TRPC7: variants seen among roughly 807,000 people sequenced by gnomAD.
The protein encoded by TRPC7 is transient receptor potential cation channel subfamily C member 7.
In TRPC7, 42 loss-of-function variants were observed where a neutral mutation model predicts 90.1. The ratio of observed to expected loss-of-function variants is 0.47; its 90% confidence interval spans 0.36 to 0.60. The LOEUF is 0.60. Ranked by LOEUF, TRPC7 falls within the 20% of genes least tolerant of loss-of-function variation. TRPC7 has a pLI of 0.00. For missense variants in TRPC7, 955 were observed against 1,112.3 expected (o/e 0.86, Z 2.01); for synonymous variants, 451 against 436.3 (o/e 1.03, Z -0.42).
At chr5:136,355,592 A>G (rs1023756097) in intron 2 of TRPC7, among the ~76,000 whole-genome samples, 1 of 139,398 alleles carries the variant, frequency 7.2e-6, no homozygotes, top group Admixed American at 7.8e-5. Context: ...AGGTCAGGAG[A>G]TCAAGACCAT....
chr5:136,250,997 G>T (rs1756499914), intron 6 of TRPC7, among the ~76,000 whole-genome samples: 1 of 152,154 alleles, frequency 6.6e-6, no homozygotes, highest in East Asian at 1.9e-4. Flanking sequence ...GACAAAAGAA[G>T]GACCCTTTTT....
In TRPC7 at chr5:136,357,022, C is replaced by G. The variant is rs1332892378; in HGVS notation, c.366G>C (p.Val122=). 5 of 1,613,038 alleles carry G rather than the reference C, an allele frequency of 3.1e-6. No homozygotes were observed. In the South Asian group the frequency reaches 4.4e-5, roughly 14 times the overall value. Residue 122 remains valine, a synonymous_variant, in exon 2 of 12, where the codon GTG becomes GTC. Coordinates refer to ENST00000513104, the MANE Select transcript of TRPC7 (RefSeq NM_020389.3). ...AGGCCGGGTGGTTGAGGATGGCCTC[C>G]ACGATGCGCACATAGCCCTTGCTGA... ...LAISKGYVRI[V]EAILNHPAFA...
chr5:136,239,826 G>A (rs1026878582), intron 7 of TRPC7, among the ~76,000 whole-genome samples: 1 of 152,168 alleles, frequency 6.6e-6, no homozygotes, highest in Admixed American at 6.5e-5. Flanking sequence ...TTGTAAACAT[G>A]CCCTCATTCC....
At chr5:136,251,953 A>G (rs1756536122) in intron 5 of TRPC7, 71 bp from the exon 6 acceptor site, 11 of 1,191,518 alleles carry the variant, frequency 9.2e-6, no homozygotes, top group Non-Finnish European at 1.4e-5. Flanking sequence ...GAGGTCATGG[A>G]GGGAACCAGA....
Position 136,315,769 on chromosome 5 carries a change from C to T in TRPC7, c.791G>A (p.Arg264Lys), listed in dbSNP as rs1022677765. 1 of 1,613,628 alleles carries T rather than the reference C, an allele frequency of 6.2e-7. No homozygotes were observed. The highest frequency in any genetic ancestry group is 1.3e-5 in the African/African-American group (1 of 75,028). ...NIETEFKNDY[R>K]KLSMQCKDFV... ...ATCCTTGCATTGCATAGATAACTTC[C>T]TGTAATCGTTCTAACAGAATAGAGA... is the stretch of plus-strand genomic sequence containing the variant. Residue 264 changes from arginine (R) to lysine (K), a missense_variant, in exon 3 of 12, where the codon AGG becomes AAG. By Grantham distance (26) the Arg-to-Lys change is conservative (BLOSUM62 2). Around this residue, in one of 4 missense-constraint regions of TRPC7, gnomAD observed 484 missense variants for 509.6 expected, o/e 0.95. Transcript: ENST00000513104.
chr5:136,324,856 A>C (rs1483152229), intron 2 of TRPC7, among the ~76,000 whole-genome samples: 1 of 152,250 alleles, frequency 6.6e-6, no homozygotes, highest in Non-Finnish European at 1.5e-5. Context: ...ATACAGGATA[A>C]TTAACACTCA....
chr5:136,339,393 T>C (rs1759773085), intron 2 of TRPC7, among the ~76,000 whole-genome samples: 1 of 152,218 alleles, frequency 6.6e-6, no homozygotes, highest in African/African-American at 2.4e-5. Flanking sequence ...GCAGGCATAG[T>C]TAAATTCTAA....
intron 3 of TRPC7, among the ~76,000 whole-genome samples, chr5:136,280,684 T>C (rs1001969017): frequency 1.3e-5 from 2 of 152,238 alleles, no homozygotes; most frequent in Non-Finnish European, 2.9e-5. Flanking sequence ...GGTTTGAGGA[T>C]TATCTCTTGG....
intron 3 of TRPC7, among the ~76,000 whole-genome samples, chr5:136,307,332 T>C (rs1349138959): frequency 6.6e-6 from 1 of 152,166 alleles, no homozygotes. Context: ...GTGATTCTAC[T>C]CTCTACTTCC....
chr5:136,362,913 C>A (rs1007829233), intron 1 of TRPC7, among the ~76,000 whole-genome samples: 1 of 152,138 alleles, frequency 6.6e-6, no homozygotes, highest in East Asian at 1.9e-4. Flanking sequence ...GGTCAATCAA[C>A]TTAATTCATT....
chr5:136,278,342 A>G (rs1056889326), intron 3 of TRPC7, among the ~76,000 whole-genome samples: 4 of 152,160 alleles, frequency 2.6e-5, no homozygotes, highest in Non-Finnish European at 5.9e-5. Flanking sequence ...TCTGCTTTCA[A>G]ATTGCAAATC....
At chr5:136,285,462 C>G (rs895767048) in intron 3 of TRPC7, among the ~76,000 whole-genome samples, 1 of 152,162 alleles carries the variant, frequency 6.6e-6, no homozygotes, top group Non-Finnish European at 1.5e-5. Context: ...TGTTTGCAGC[C>G]TCTTTAAATG....
rs1461456404 is a variant in TRPC7 at position 136,216,285 on chromosome 5, C to G, written c.2344-10G>C. 1.2e-6 allele frequency: 2 copies of G among 1,608,644 alleles called. No individual in the cohort carries two copies. Among genetic ancestry groups the G allele is most frequent in the Admixed American group, 3.4e-5 (2 of 59,418 alleles). Reference sequence around the variant, plus strand: ...GCCGTTTCATGATTTTCTGAAATGCCAAGCAAGGAAGGGATCAGACAGGGC... The same window carrying G: ...GCCGTTTCATGATTTTCTGAAATGCGAAGCAAGGAAGGGATCAGACAGGGC... On this transcript the variant is annotated splice_polypyrimidine_tract_variant and intron_variant, in intron 10 of 11. Coordinates refer to ENST00000513104, the MANE Select transcript of TRPC7 (RefSeq NM_020389.3).
intron 2 of TRPC7, among the ~76,000 whole-genome samples, chr5:136,349,289 G>A (rs762664594): frequency 3.3e-5 from 5 of 152,228 alleles, no homozygotes; most frequent in African/African-American, 4.8e-5. Flanking sequence ...GAGCTCACAC[G>A]TACAGCCTAG....
chr5:136,301,102 T>C (rs1204421801), intron 3 of TRPC7, among the ~76,000 whole-genome samples: 2 of 152,174 alleles, frequency 1.3e-5, no homozygotes, highest in African/African-American at 4.8e-5. Flanking sequence ...TGGTCTCAGC[T>C]CACTGCAACC....
At chr5:136,255,078 GC>G (rs958628954) in intron 5 of TRPC7, among the ~76,000 whole-genome samples, 1 of 152,214 alleles carries the variant, frequency 6.6e-6, no homozygotes, top group Non-Finnish European at 1.5e-5. Flanking sequence ...TTATGGATGA[GC>G]AAAGAAAATA....
intron 3 of TRPC7, among the ~76,000 whole-genome samples, chr5:136,296,280 T>C (rs955493400): frequency 6.6e-6 from 1 of 152,206 alleles, no homozygotes; most frequent in African/African-American, 2.4e-5. Context: ...TTAATAATAC[T>C]CAGTGCTTGC....
intron 7 of TRPC7, among the ~76,000 whole-genome samples, chr5:136,234,992 A>C (rs1755940517): frequency 6.6e-6 from 1 of 152,242 alleles, no homozygotes; most frequent in South Asian, 2.1e-4. Flanking sequence ...AATGTTAAAA[A>C]AAAAATTCAT....
intron 5 of TRPC7, among the ~76,000 whole-genome samples, chr5:136,254,698 A>G (rs1756636449): frequency 6.6e-6 from 1 of 152,228 alleles, no homozygotes; most frequent in Admixed American, 6.5e-5. Flanking sequence ...CAGCCTGTGG[A>G]TCAAGGAGTA....
Sources: allele counts gnomAD v4.1 joint callset (sites outside exome capture counted in the v4.1 genomes callset), GRCh38; gene constraint gnomAD v4.1.1; regional missense constraint gnomAD v4.1.1; transcripts MANE v1.5; gene names NCBI Gene and HGNC (gene_info 2026-07-23, HGNC 2026-07-21).